PDZRN4: variants seen among roughly 807,000 people sequenced by gnomAD.
PDZRN4 encodes the protein PDZ domain containing ring finger 4.
A neutral mutation model predicts 99.0 loss-of-function variants in PDZRN4; 70 were observed. The observed-to-expected ratio is 0.71, with a 90% CI of 0.58 to 0.86. The LOEUF (loss-of-function observed/expected upper bound fraction) is 0.86, where lower values mean the gene tolerates loss of function less well. Ranked by LOEUF, PDZRN4 falls within the 40% of genes least tolerant of loss-of-function variation. The probability of loss-of-function intolerance (pLI) is 0.00; values close to 1 mark genes in which losing one functional copy is unlikely to be tolerated. For missense variants in PDZRN4, 1,474 were observed against 1,331.2 expected, an observed-to-expected ratio of 1.11 and a Z score of -1.67; for synonymous variants, 551 against 501.6, an observed-to-expected ratio of 1.10 and a Z score of -1.32.
chr12:41,191,630 C>T, intron 2 of PDZRN4, 86 bp downstream of exon 2: 3 of 634,740 alleles, frequency 4.7e-6, no homozygotes, highest in South Asian at 4.3e-5. Flanking sequence ...TAATAGAGGA[C>T]TTAGCTTTTG....
At chr12:41,286,956 AT>A (rs1055936893) in intron 3 of PDZRN4, among the ~76,000 whole-genome samples, 2 of 151,820 alleles carry the variant, frequency 1.3e-5, no homozygotes, top group Non-Finnish European at 2.9e-5. Context: ...ACTTGTTTTT[AT>A]TTTTTTAATC....
At chr12:41,192,905 A>G (rs1017190930) in intron 2 of PDZRN4, among the ~76,000 whole-genome samples, 1 of 152,194 alleles carries the variant, frequency 6.6e-6, no homozygotes, top group African/African-American at 2.4e-5. Flanking sequence ...TGTCAACTTA[A>G]TTTTCACCGT....
At chr12:41,405,856 C>A (rs909996390) in intron 3 of PDZRN4, among the ~76,000 whole-genome samples, 9 of 151,356 alleles carry the variant, frequency 5.9e-5, no homozygotes, top group African/African-American at 1.9e-4. Flanking sequence ...AACAGAAAAC[C>A]AAATACCACA....
At chr12:41,239,631 A>G (rs1282675267) in intron 3 of PDZRN4, among the ~76,000 whole-genome samples, 1 of 152,180 alleles carries the variant, frequency 6.6e-6, no homozygotes, top group East Asian at 1.9e-4. Flanking sequence ...GCCATATGCT[A>G]TTGGGGGTAA....
chr12:41,276,822 C>A (rs2120874052), intron 3 of PDZRN4, among the ~76,000 whole-genome samples: 1 of 152,292 alleles, frequency 6.6e-6, no homozygotes, highest in Middle Eastern at 3.4e-3. Flanking sequence ...CTCTTATTAT[C>A]TATCTATGGT....
At chr12:41,438,540 T>C (rs1486258512) in intron 3 of PDZRN4, among the ~76,000 whole-genome samples, 5 of 152,186 alleles carry the variant, frequency 3.3e-5, no homozygotes, top group Admixed American at 6.5e-5. Context: ...ATATATGCTA[T>C]GTCCTGGCTG....
chr12:41,569,847 C>T (rs1939444868), intron 9 of PDZRN4, among the ~76,000 whole-genome samples: 2 of 152,208 alleles, frequency 1.3e-5, no homozygotes, highest in South Asian at 4.1e-4. Flanking sequence ...CAAGTAATAT[C>T]GCTACTGTGG....
chr12:41,361,103 A>G (rs1420929889), intron 3 of PDZRN4, among the ~76,000 whole-genome samples: 1 of 152,042 alleles, frequency 6.6e-6, no homozygotes, highest in East Asian at 1.9e-4. Context: ...TTCCTTATTT[A>G]GTGTGAGTAT....
At chr12:41,281,902 C>T (rs1163929234) in intron 3 of PDZRN4, among the ~76,000 whole-genome samples, 2 of 152,170 alleles carry the variant, frequency 1.3e-5, no homozygotes, top group Non-Finnish European at 2.9e-5. Context: ...AAACTACTAC[C>T]AGCCACTGCA....
In PDZRN4 at chr12:41,572,771, T is replaced by C. The variant is rs892593368; in HGVS notation, c.1992T>C (p.His664=). The C allele has an allele frequency of 1.2e-5, 19 of 1,614,072 alleles. No individual in the cohort carries two copies. Among genetic ancestry groups the C allele is most frequent in the Non-Finnish European group, 1.6e-5 (19 of 1,179,972 alleles). Residue 664 remains histidine, a synonymous_variant, in exon 10 of 10, where the codon CAT becomes CAC. Coordinates refer to ENST00000402685, the MANE Select transcript of PDZRN4 (RefSeq NM_001164595.2). The part of the protein sequence containing the change: ...CNQGEQEGVE[H]ELQLLNEELR... ...AAGGGGAGCAAGAGGGAGTGGAGCA[T>C]GAGCTACAGTTGCTTAATGAAGAAC...
chr12:41,332,737 G>A (rs1330635762), intron 3 of PDZRN4, among the ~76,000 whole-genome samples: 1 of 68,176 alleles, frequency 1.5e-5, no homozygotes, highest in African/African-American at 5.1e-5. Context: ...TTTTACAAGA[G>A]GAGGATTAAA....
At chr12:41,486,323 T>A (rs1367935568) in intron 3 of PDZRN4, among the ~76,000 whole-genome samples, 1 of 152,170 alleles carries the variant, frequency 6.6e-6, no homozygotes, top group Non-Finnish European at 1.5e-5. Context: ...AACTTGGTGT[T>A]ATCTTGTGTA....
intron 3 of PDZRN4, among the ~76,000 whole-genome samples, chr12:41,442,606 A>G (rs1189932881): frequency 6.6e-6 from 1 of 151,874 alleles, no homozygotes; most frequent in Non-Finnish European, 1.5e-5. Flanking sequence ...GGCCCATATC[A>G]CTCTGTCTTC....
intron 3 of PDZRN4, among the ~76,000 whole-genome samples, chr12:41,466,334 C>T (rs1197057636): frequency 6.6e-6 from 1 of 152,146 alleles, no homozygotes; most frequent in Non-Finnish European, 1.5e-5. Flanking sequence ...ATTAATACCG[C>T]CATTATCTCC....
chr12:41,458,226 C>T (rs548011575), intron 3 of PDZRN4, among the ~76,000 whole-genome samples: 60 of 152,222 alleles, frequency 3.9e-4, no homozygotes, highest in African/African-American at 1.3e-3. Flanking sequence ...GGCACAATCT[C>T]GACTCACTGC....
intron 3 of PDZRN4, among the ~76,000 whole-genome samples, chr12:41,496,349 C>T (rs993498452): frequency 1.3e-5 from 2 of 152,136 alleles, no homozygotes; most frequent in African/African-American, 4.8e-5. Flanking sequence ...ACCACCATAG[C>T]ACTGTGCCGG....
intron 3 of PDZRN4, among the ~76,000 whole-genome samples, chr12:41,379,875 GTGT>G (rs1453726080): frequency 4.6e-5 from 7 of 151,902 alleles, no homozygotes; most frequent in Non-Finnish European, 1.0e-4. Flanking sequence ...TTGGTCTATA[GTGT>G]TGTTAAAAAC....
chr12:41,338,100 A>G (rs1256726851), intron 3 of PDZRN4, among the ~76,000 whole-genome samples: 1 of 152,080 alleles, frequency 6.6e-6, no homozygotes, highest in Non-Finnish European at 1.5e-5. Flanking sequence ...TATGGTCTAG[A>G]TGACTATTTA....
At chr12:41,254,960 G>A (rs1207879324) in intron 3 of PDZRN4, among the ~76,000 whole-genome samples, 1 of 152,182 alleles carries the variant, frequency 6.6e-6, no homozygotes, top group Admixed American at 6.5e-5. Context: ...CAGGCATGCT[G>A]GTGCAGCTAC....
Sources: gnomAD v4.1 joint callset for allele counts (sites outside exome capture counted in the v4.1 genomes callset) on GRCh38, gnomAD v4.1.1 for gene constraint, MANE v1.5 for transcripts, NCBI Gene and HGNC (gene_info 2026-07-23, HGNC 2026-07-21) for gene names.